GRIK1: variants seen among roughly 807,000 people sequenced by gnomAD.
The protein encoded by GRIK1 is glutamate ionotropic receptor kainate type subunit 1, also known as glutamate receptor ionotropic, kainate 1.
Under a neutral mutation model 105.7 loss-of-function variants are expected in GRIK1, and 69 were observed. The ratio of observed to expected loss-of-function variants is 0.65; its 90% CI spans 0.54 to 0.80. The LOEUF (loss-of-function observed/expected upper bound fraction) is 0.80. Among genes scored for constraint, GRIK1 ranks in the 30% least tolerant of loss-of-function variants. GRIK1 has a pLI of 0.00. For synonymous variants in GRIK1, 438 were observed against 431.3 expected, an observed-to-expected ratio of 1.02 and a Z score of -0.19; for missense variants, 1,109 against 1,167.3, an observed-to-expected ratio of 0.95 and a Z score of 0.73.
At chr21:29,713,187 C>G (rs1050497801) in intron 1 of GRIK1, among the ~76,000 whole-genome samples, 4 of 151,048 alleles carry the variant, frequency 2.6e-5, no homozygotes, top group South Asian at 2.1e-4. Flanking sequence ...GAAGGAGATG[C>G]AGAGAGCAGC....
intron 1 of GRIK1, among the ~76,000 whole-genome samples, chr21:29,765,517 G>A (rs1232436356): frequency 6.6e-6 from 1 of 152,010 alleles, no homozygotes; most frequent in South Asian, 2.1e-4. Context: ...TCATTCAACT[G>A]CAAACTCTGT....
chr21:29,825,421 C>A (rs2067424318), intron 1 of GRIK1, among the ~76,000 whole-genome samples: 1 of 151,994 alleles, frequency 6.6e-6, no homozygotes, highest in Non-Finnish European at 1.5e-5. Flanking sequence ...AAGAAACAAA[C>A]TCATCAAAAA....
chr21:29,832,344 C>T (rs1018338990), intron 1 of GRIK1, among the ~76,000 whole-genome samples: 30 of 152,122 alleles, frequency 2.0e-4, no homozygotes, highest in African/African-American at 7.2e-4. Context: ...TAGGTATTGC[C>T]CTGGTGGGGA....
rs577789887 is a variant in GRIK1, at chr21:29,898,931, C to A, written c.118+40452G>T. On this transcript the variant is annotated intron_variant, in intron 1 of 17. Transcript: ENST00000327783. ...AGGTTGCAGTGAGCCGAGATCACGTCATTGCACTCCAGCCTGGGCAACAAG... is the reference window on the plus strand; with the variant it reads ...AGGTTGCAGTGAGCCGAGATCACGTAATTGCACTCCAGCCTGGGCAACAAG... 7.3e-5 allele frequency among the ~76,000 whole-genome samples: 11 copies of A among 151,580 alleles called. No individual in the cohort carries two copies. The South Asian group carries it at 2.3e-3, about 32-fold the overall frequency.
intron 1 of GRIK1, among the ~76,000 whole-genome samples, chr21:29,921,931 G>A (rs992222449): frequency 5.3e-5 from 8 of 152,128 alleles, no homozygotes; most frequent in African/African-American, 1.9e-4. Flanking sequence ...TAATTTTGCA[G>A]GTAAGTAGAT....
At chr21:29,757,520 T>G (rs1020836291) in intron 1 of GRIK1, among the ~76,000 whole-genome samples, 1 of 152,218 alleles carries the variant, frequency 6.6e-6, no homozygotes, top group Non-Finnish European at 1.5e-5. Flanking sequence ...ATAGAAAATT[T>G]GAAACACAAA....
intron 1 of GRIK1, among the ~76,000 whole-genome samples, chr21:29,707,639 G>C (rs2063950279): frequency 6.6e-6 from 1 of 151,818 alleles, no homozygotes; most frequent in Non-Finnish European, 1.5e-5. Context: ...GGGCCTACAG[G>C]CGTTCGCCAC....
rs1601320359 is a variant in GRIK1 at position 29,629,535 on chromosome 21, G to A, written c.1098+13291C>T. On this transcript the variant is annotated intron_variant, in intron 7 of 17. Transcript: ENST00000327783. The stretch of plus-strand genomic sequence containing the variant: ...AGACAGAGTCTTGCTCTGTCACCCA[G>A]GCTGGAGTGCAGTGGCGGATCTCAG... 2.0e-5 allele frequency among the ~76,000 whole-genome samples: 3 copies of A among 150,760 alleles called. No homozygotes were observed. The East Asian group carries it at 5.8e-4, about 29-fold the overall frequency.
chr21:29,922,114 A>G (rs1261622362), intron 1 of GRIK1, among the ~76,000 whole-genome samples: 1 of 152,156 alleles, frequency 6.6e-6, no homozygotes, highest in Non-Finnish European at 1.5e-5. Flanking sequence ...GGTTACATGC[A>G]AGATCACCAT....
At chr21:29,925,677 G>A (rs1253501490) in intron 1 of GRIK1, among the ~76,000 whole-genome samples, 1 of 152,142 alleles carries the variant, frequency 6.6e-6, no homozygotes, top group Non-Finnish European at 1.5e-5. Context: ...ATACTCTCCA[G>A]GAATTGTTCA....
At chr21:29,833,243 A>C (rs1485816672) in intron 1 of GRIK1, among the ~76,000 whole-genome samples, 3 of 152,182 alleles carry the variant, frequency 2.0e-5, no homozygotes, top group African/African-American at 7.2e-5. Context: ...AGTCTCTAGG[A>C]AGTTCCAAAC....
At chr21:29,736,775 T>C (rs2064802194) in intron 1 of GRIK1, among the ~76,000 whole-genome samples, 1 of 151,656 alleles carries the variant, frequency 6.6e-6, no homozygotes, top group Non-Finnish European at 1.5e-5. Flanking sequence ...CCTCCTGGGT[T>C]CAAGCAATTC....
chr21:29,836,674 T>C (rs1465934770), intron 1 of GRIK1, among the ~76,000 whole-genome samples: 1 of 152,140 alleles, frequency 6.6e-6, no homozygotes, highest in African/African-American at 2.4e-5. Flanking sequence ...GTTGCATATA[T>C]ATATATATTT....
At chr21:29,656,973 G>GT (rs1244158674) in intron 4 of GRIK1, among the ~76,000 whole-genome samples, 1 of 151,898 alleles carries the variant, frequency 6.6e-6, no homozygotes, top group Non-Finnish European at 1.5e-5. Flanking sequence ...ACTAAAGGAT[G>GT]TTTTTTTTCA....
At chr21:29,584,955 T>C (rs1212228459) in intron 12 of GRIK1, among the ~76,000 whole-genome samples, 1 of 152,116 alleles carries the variant, frequency 6.6e-6, no homozygotes, top group African/African-American at 2.4e-5. Context: ...GATTCTAAGG[T>C]GTAGAGAAGG....
intron 7 of GRIK1, among the ~76,000 whole-genome samples, chr21:29,612,885 A>G (rs1284643726): frequency 6.6e-6 from 1 of 152,242 alleles, no homozygotes; most frequent in Non-Finnish European, 1.5e-5. Context: ...CTTTCAGCAT[A>G]ACAATAGTAA....
intron 1 of GRIK1, among the ~76,000 whole-genome samples, chr21:29,741,065 G>A (rs1206142313): frequency 6.6e-6 from 1 of 152,308 alleles, no homozygotes; most frequent in East Asian, 1.9e-4. Flanking sequence ...CAGACACCTG[G>A]TTAATCCCAG....
chr21:29,725,007 T>TA (rs76948130), intron 1 of GRIK1, among the ~76,000 whole-genome samples: 5,716 of 112,040 alleles, frequency 0.051, 121 homozygotes, highest in Middle Eastern at 0.075. Flanking sequence ...CTTTGCCACC[T>TA]AAAAAAAAAA....
intron 4 of GRIK1, among the ~76,000 whole-genome samples, chr21:29,671,331 G>A (rs956773756): frequency 5.9e-5 from 9 of 151,544 alleles, no homozygotes. Flanking sequence ...CACCATGTTG[G>A]CCAGGCTGGT....
Sources: gnomAD v4.1 joint callset for allele counts (sites outside exome capture counted in the v4.1 genomes callset) on GRCh38, gnomAD v4.1.1 for gene constraint, MANE v1.5 for transcripts, NCBI Gene and HGNC (gene_info 2026-07-23, HGNC 2026-07-21) for gene names.